Variants in FAM117B observed in about 807,000 individuals in gnomAD.
FAM117B encodes the protein protein FAM117B.
A neutral mutation model predicts 52.8 loss-of-function variants in FAM117B; 22 were observed. That is an observed-to-expected ratio of 0.42 (90% confidence interval 0.30 to 0.59). The LOEUF (loss-of-function observed/expected upper bound fraction) is 0.59, where lower values mean the gene tolerates loss of function less well. Among genes scored for constraint, FAM117B ranks in the 20% least tolerant of loss-of-function variants. The probability of loss-of-function intolerance (pLI) is 0.22; values close to 1 mark genes in which losing one functional copy is unlikely to be tolerated. For synonymous variants in FAM117B, 309 were observed against 324.1 expected (o/e 0.95, Z 0.50); for missense variants, 678 against 802.6 (o/e 0.84, Z 1.88).
intron 4 of FAM117B, among the ~76,000 whole-genome samples, chr2:202,749,841 T>A (rs921725602): frequency 1.1e-4 from 17 of 152,180 alleles, no homozygotes; most frequent in Non-Finnish European, 4.4e-5. Context: ...GCAGACTTTT[T>A]ATGGACATAT....
chr2:202,732,248 C>T (rs1021378711), intron 4 of FAM117B, among the ~76,000 whole-genome samples: 2 of 152,094 alleles, frequency 1.3e-5, no homozygotes, highest in East Asian at 1.9e-4. Flanking sequence ...AATAATGTGG[C>T]AGTTCCTCAA....
intron 1 of FAM117B, among the ~76,000 whole-genome samples, chr2:202,644,898 A>G (rs78977613): frequency 0.016 from 2,455 of 152,094 alleles, 71 homozygotes; most frequent in African/African-American, 0.056. Flanking sequence ...GAGGTGTTTC[A>G]TTGTTTGTTT....
chr2:202,747,451 C>A (rs1398856884), intron 4 of FAM117B, among the ~76,000 whole-genome samples: 1 of 152,014 alleles, frequency 6.6e-6, no homozygotes. Flanking sequence ...AAAAAAAAGG[C>A]ATCCAAACTG....
chr2:202,765,293 A>AG (rs1437456146), intron 7 of FAM117B, among the ~76,000 whole-genome samples, 153 bp from the exon 8 acceptor site: 5 of 151,644 alleles, frequency 3.3e-5, no homozygotes, highest in Admixed American at 6.6e-5. Flanking sequence ...TTATGTTTGA[A>AG]GGTGGGGGAC....
intron 1 of FAM117B, among the ~76,000 whole-genome samples, chr2:202,640,296 AT>A (rs1401637847): frequency 2.2e-4 from 2 of 9,194 alleles, no homozygotes; most frequent in East Asian, 9.1e-3. Flanking sequence ...CCACCACAAA[AT>A]ATATATATAT....
intron 1 of FAM117B, among the ~76,000 whole-genome samples, chr2:202,661,533 C>T (rs1690126842): frequency 6.6e-6 from 1 of 152,120 alleles, no homozygotes; most frequent in Admixed American, 6.5e-5. Context: ...GGTCAGATAG[C>T]TATTAAGTGG....
In FAM117B at chr2:202,766,061, A is replaced by AAAACACACAC. The variant is rs1027003502; in HGVS notation, c.*298_*299insAACACACACA. On this transcript the variant is annotated 3_prime_UTR_variant, in exon 8 of 8. Transcript: ENST00000392238. ...TTGTTTTCGAATTAGACTTCTTTAA[A>AAAACACACAC]ACACACACACACACACACACACACA... The AAAACACACAC allele has an allele frequency of 9.9e-6, 2 of 202,382 alleles. No homozygotes were observed. Among genetic ancestry groups the AAAACACACAC allele is most frequent in the African/African-American group, 5.0e-5 (2 of 39,710 alleles). 12.5% of individuals were successfully genotyped at this position (202,382 alleles called of 1,614,324 possible).
intron 1 of FAM117B, among the ~76,000 whole-genome samples, chr2:202,683,455 G>A (rs1690493496): frequency 6.6e-6 from 1 of 152,098 alleles, no homozygotes; most frequent in Non-Finnish European, 1.5e-5. Context: ...AAGGAAAAAA[G>A]ATACAAGTTT....
chr2:202,641,079 T>A (rs1451289081), intron 1 of FAM117B, among the ~76,000 whole-genome samples: 1 of 152,240 alleles, frequency 6.6e-6, no homozygotes, highest in East Asian at 1.9e-4. Context: ...TACAAAGATG[T>A]AAAACACACA....
intron 4 of FAM117B, among the ~76,000 whole-genome samples, chr2:202,750,187 G>A (rs1452648819): frequency 1.3e-5 from 2 of 152,104 alleles, no homozygotes; most frequent in Non-Finnish European, 2.9e-5. Context: ...CTCTTGGACC[G>A]GGGCTGCCTC....
intron 2 of FAM117B, among the ~76,000 whole-genome samples, chr2:202,696,434 T>A (rs1469573520): frequency 1.3e-5 from 2 of 152,130 alleles, no homozygotes. Context: ...TTGCAAAAAA[T>A]TCATAATGTT....
chr2:202,708,255 C>T (rs967713958), intron 2 of FAM117B, among the ~76,000 whole-genome samples: 1 of 152,198 alleles, frequency 6.6e-6, no homozygotes, highest in Non-Finnish European at 1.5e-5. Context: ...TAGCAATCAC[C>T]ATTCCATTTC....
rs1434298114 is a variant in FAM117B at position 202,653,212 on chromosome 2, G to A, written c.601+17424G>A. 2.6e-5 allele frequency among the ~76,000 whole-genome samples: 4 copies of A among 152,302 alleles called. No homozygotes were observed. The East Asian group carries it at 7.7e-4, about 29-fold the overall frequency. ...GAGCCCAGAAGGTGGAGGATGCAGTGAGCCATGATCATGCCACAGCACTCC... is the reference window on the plus strand; with the variant it reads ...GAGCCCAGAAGGTGGAGGATGCAGTAAGCCATGATCATGCCACAGCACTCC... On this transcript the variant is annotated intron_variant, in intron 1 of 7. Transcript: ENST00000392238.
At chr2:202,747,148 T>C (rs1691647314) in intron 4 of FAM117B, among the ~76,000 whole-genome samples, 1 of 152,112 alleles carries the variant, frequency 6.6e-6, no homozygotes, top group Non-Finnish European at 1.5e-5. Flanking sequence ...AAATGTGATA[T>C]ATCACATCAA....
At chr2:202,643,484 A>G (rs1435966566) in intron 1 of FAM117B, among the ~76,000 whole-genome samples, 3 of 152,192 alleles carry the variant, frequency 2.0e-5, no homozygotes, top group Middle Eastern at 3.2e-3. Context: ...TTTCCAAACT[A>G]CTTGAAGGCA....
intron 2 of FAM117B, among the ~76,000 whole-genome samples, chr2:202,708,333 G>A (rs1690906643): frequency 6.6e-6 from 1 of 151,982 alleles, no homozygotes; most frequent in Admixed American, 6.6e-5. Context: ...GTCTTTTTGT[G>A]GCTGACTTAT....
At chr2:202,638,515 C>G (rs923424156) in intron 1 of FAM117B, among the ~76,000 whole-genome samples, 22 of 152,146 alleles carry the variant, frequency 1.4e-4, no homozygotes, top group Non-Finnish European at 1.5e-5. Flanking sequence ...CGCTCCCCTT[C>G]CCTAGATCAT....
intron 1 of FAM117B, among the ~76,000 whole-genome samples, chr2:202,658,191 A>C (rs1690079566): frequency 6.6e-6 from 1 of 152,150 alleles, no homozygotes. Context: ...TTATTCCTGA[A>C]GTTAGTTTCC....
At chr2:202,686,465 G>A (rs1226541892) in intron 1 of FAM117B, among the ~76,000 whole-genome samples, 6 of 152,262 alleles carry the variant, frequency 3.9e-5, no homozygotes, top group South Asian at 2.1e-4. Context: ...AAGAATTTTC[G>A]TATATGACTT....
Sources: allele counts gnomAD v4.1 joint callset (sites outside exome capture counted in the v4.1 genomes callset), GRCh38; gene constraint gnomAD v4.1.1; transcripts MANE v1.5; gene names NCBI Gene and HGNC (gene_info 2026-07-23, HGNC 2026-07-21).